C6orf89: variants seen among roughly 807,000 people sequenced by gnomAD.
The protein encoded by C6orf89 is chromosome 6 open reading frame 89.
A neutral mutation model predicts 40.7 loss-of-function variants in C6orf89; 29 were observed. That is an observed-to-expected ratio of 0.71 (90% CI 0.53 to 0.97). C6orf89 has a LOEUF of 0.97. Ranked by LOEUF, C6orf89 falls within the 50% of genes least tolerant of loss-of-function variation. The probability of loss-of-function intolerance (pLI) is 0.00; values close to 1 mark genes in which losing one functional copy is unlikely to be tolerated. For synonymous variants in C6orf89, 165 were observed against 152.2 expected (o/e 1.08, Z -0.62); for missense variants, 392 against 429.1 (o/e 0.91, Z 0.76).
intron 3 of C6orf89, among the ~76,000 whole-genome samples, chr6:36,900,105 T>G (rs1459211648): frequency 6.6e-6 from 1 of 151,604 alleles, no homozygotes; most frequent in East Asian, 1.9e-4. Flanking sequence ...CAGGCTGGTC[T>G]TGAACTCCTG....
chr6:36,872,132 T>C (rs1774523397), intron 1 of C6orf89, among the ~76,000 whole-genome samples: 1 of 152,080 alleles, frequency 6.6e-6, no homozygotes, highest in Non-Finnish European at 1.5e-5. Context: ...AAAATTCTAA[T>C]ACTATACATA....
At chr6:36,909,481 C>T (rs909080423) in intron 4 of C6orf89, among the ~76,000 whole-genome samples, 3 of 152,026 alleles carry the variant, frequency 2.0e-5, no homozygotes, top group African/African-American at 7.2e-5. Flanking sequence ...GATTATTAGT[C>T]AAATTGCATG....
chr6:36,886,977 G>A (rs540160729), intron 1 of C6orf89, among the ~76,000 whole-genome samples: 1 of 152,316 alleles, frequency 6.6e-6, no homozygotes, highest in African/African-American at 2.4e-5. Context: ...TTCTGCCTTG[G>A]ACTGAGGCAT....
intron 8 of C6orf89, 137 bp from the exon 9 acceptor site, chr6:36,923,210 A>C (rs537521730): frequency 9.7e-6 from 6 of 617,660 alleles, no homozygotes; most frequent in South Asian, 8.3e-5. Flanking sequence ...AGGAAACTAA[A>C]TTAAATAGAA....
At chr6:36,912,018 C>T (rs1270827364) in intron 4 of C6orf89, among the ~76,000 whole-genome samples, 1 of 150,726 alleles carries the variant, frequency 6.6e-6, no homozygotes, top group African/African-American at 2.4e-5. Flanking sequence ...TTCTAGGGCA[C>T]CCTAATCACA....
intron 1 of C6orf89, among the ~76,000 whole-genome samples, chr6:36,888,026 G>T (rs909065837): frequency 6.6e-6 from 1 of 152,092 alleles, no homozygotes; most frequent in African/African-American, 2.4e-5. Flanking sequence ...CTTGACTTAG[G>T]ACTTTATCTT....
intron 1 of C6orf89, among the ~76,000 whole-genome samples, chr6:36,874,182 T>C (rs1774582728): frequency 1.3e-5 from 2 of 152,196 alleles, no homozygotes; most frequent in African/African-American, 4.8e-5. Context: ...GTTGCTAAGA[T>C]TAAACTAAAT....
chr6:36,904,955 G>A (rs1334455173), intron 4 of C6orf89, among the ~76,000 whole-genome samples: 1 of 152,094 alleles, frequency 6.6e-6, no homozygotes, highest in African/African-American at 2.4e-5. Flanking sequence ...ACAGAGGTGG[G>A]GTTCTTTTTC....
chr6:36,906,139 A>AGG (rs1331785287), intron 4 of C6orf89, among the ~76,000 whole-genome samples: 1 of 152,248 alleles, frequency 6.6e-6, no homozygotes, highest in Non-Finnish European at 1.5e-5. Context: ...TAACCTTCAA[A>AGG]GGAAGGATGA....
At chr6:36,916,604 G>A in intron 7 of C6orf89, 30 bp downstream of exon 7, 3 of 1,613,342 alleles carry the variant, frequency 1.9e-6, no homozygotes, top group Non-Finnish European at 2.5e-6. Flanking sequence ...CTTGGATCTA[G>A]AATTTTCTTT....
At position 36,928,909 on chromosome 6, in the gene C6orf89, G is replaced by C. The variant is rs1762771923; in HGVS notation, c.*5468G>C. 1 of 152,192 alleles carries C rather than the reference G, an allele frequency of 6.6e-6. No individual in the cohort carries two copies. The highest frequency in any genetic ancestry group is 2.4e-5 in the African/African-American group (1 of 41,416). The allele number at this position is 152,192 out of a possible 1,614,324, so 9.4% of individuals were successfully genotyped here. A position where few individuals can be genotyped will look rare whatever the true frequency, so the allele number is the denominator to read the frequency against. Reference sequence around the variant, plus strand: ...ATGTGAAGAATGTATGTAAATTAAAGTTTATTGTAATGAAGGTTTTTACTT... The same window carrying C: ...ATGTGAAGAATGTATGTAAATTAAACTTTATTGTAATGAAGGTTTTTACTT... On this transcript the variant is annotated 3_prime_UTR_variant, in exon 9 of 9. Coordinates refer to ENST00000480824, the MANE Select transcript of C6orf89 (RefSeq NM_001286635.2).
chr6:36,884,623 A>T (rs1774912166), upstream of C6orf89, among the ~76,000 whole-genome samples: 1 of 152,206 alleles, frequency 6.6e-6, no homozygotes, highest in Non-Finnish European at 1.5e-5. The surrounding 1 kb of genome is among the most constrained non-coding windows in gnomAD (Gnocchi z 4.0). Flanking sequence ...ACCCAAAATG[A>T]TGTAACTGAG....
chr6:36,898,123 C>T (rs778532767), intron 2 of C6orf89, among the ~76,000 whole-genome samples: 16 of 152,054 alleles, frequency 1.1e-4, no homozygotes, highest in Non-Finnish European at 1.6e-4. Flanking sequence ...CGTTCTGTCT[C>T]CCAGGCTGGA....
At chr6:36,915,559 T>C (rs981608593) in intron 6 of C6orf89, among the ~76,000 whole-genome samples, 4 of 151,980 alleles carry the variant, frequency 2.6e-5, no homozygotes, top group South Asian at 2.1e-4. Context: ...CCAGGCAACA[T>C]AGGGAGACCC....
In C6orf89 at chr6:36,925,983, C is replaced by T. The variant is rs141546154; in HGVS notation, c.*2542C>T. The T allele has an allele frequency of 6.6e-6, 1 of 152,344 alleles. No individual in the cohort carries two copies. Among genetic ancestry groups the T allele is most frequent in the East Asian group, 1.9e-4 (1 of 5,182 alleles). 9.4% of individuals were successfully genotyped at this position (152,344 alleles called of 1,614,324 possible). On this transcript the variant is annotated 3_prime_UTR_variant, in exon 9 of 9. Coordinates refer to ENST00000480824, the MANE Select transcript of C6orf89 (RefSeq NM_001286635.2). ...GGTTTACAAGTTTATTGAGCATTTA[C>T]TAGGAAGTGACATGGCGATGACCTC...
chr6:36,874,980 G>GA, intron 1 of C6orf89: 2 of 580,308 alleles, frequency 3.4e-6, no homozygotes, highest in African/African-American at 1.9e-5. Flanking sequence ...AAGAACAGAG[G>GA]AAAATGCAAA....
intron 4 of C6orf89, 127 bp downstream of exon 4, chr6:36,902,561 C>T: frequency 1.3e-6 from 1 of 781,296 alleles, no homozygotes; most frequent in South Asian, 1.9e-5. Flanking sequence ...AATTCAGTCC[C>T]CACTAAAACT....
At chr6:36,894,184 G>C (rs941344673) in intron 1 of C6orf89, among the ~76,000 whole-genome samples, 2 of 152,074 alleles carry the variant, frequency 1.3e-5, no homozygotes, top group Admixed American at 1.3e-4. Context: ...GTTCTCTTCT[G>C]TGTGTGATGT....
intron 4 of C6orf89, among the ~76,000 whole-genome samples, chr6:36,906,177 T>A (rs1159933925): frequency 6.6e-6 from 1 of 152,218 alleles, no homozygotes; most frequent in East Asian, 1.9e-4. Context: ...CAAGAAGTTT[T>A]GGAAATAGCA....
Sources: gnomAD v4.1 joint callset for allele counts (sites outside exome capture counted in the v4.1 genomes callset) on GRCh38, gnomAD v4.1.1 for gene constraint, Gnocchi (gnomAD v3.1) non-coding constraint, MANE v1.5 for transcripts, NCBI Gene and HGNC (gene_info 2026-07-23, HGNC 2026-07-21) for gene names.